CATSPER3: variants seen among roughly 807,000 people sequenced by gnomAD.
CATSPER3 encodes the protein cation channel sperm-associated protein 3.
In CATSPER3, 23 loss-of-function variants were observed where a neutral mutation model predicts 36.6. The observed-to-expected ratio is 0.63, with a 90% confidence interval of 0.45 to 0.89. CATSPER3 has a LOEUF of 0.89. Ranked by LOEUF, CATSPER3 falls within the 40% of genes least tolerant of loss-of-function variation. CATSPER3 has a pLI of 0.00. For synonymous variants in CATSPER3, 172 were observed against 184.1 expected, an observed-to-expected ratio of 0.93 and a Z score of 0.53; for missense variants, 474 against 503.9, an observed-to-expected ratio of 0.94 and a Z score of 0.57.
At chr5:134,975,280 C>A (rs565114893) in intron 2 of CATSPER3, 1 of 151,912 alleles carries the variant, frequency 6.6e-6, no homozygotes, top group Non-Finnish European at 1.5e-5. Flanking sequence ...CTCTGGCTAA[C>A]CTTGAGGCTC....
chr5:134,971,786 A>C (rs1166311827), intron 2 of CATSPER3, among the ~76,000 whole-genome samples: 1 of 152,186 alleles, frequency 6.6e-6, no homozygotes, highest in Non-Finnish European at 1.5e-5. Context: ...AATGGAATAA[A>C]AATTGAGCAG....
At chr5:134,974,614 G>T (rs752857349) in intron 2 of CATSPER3, among the ~76,000 whole-genome samples, 20 of 151,970 alleles carry the variant, frequency 1.3e-4, no homozygotes, top group Admixed American at 1.3e-4. Context: ...GCAATAAAAA[G>T]GTTAAAAATA....
chr5:134,983,083 C>G (rs953989445), intron 2 of CATSPER3, among the ~76,000 whole-genome samples: 4 of 151,648 alleles, frequency 2.6e-5, no homozygotes, highest in Non-Finnish European at 5.9e-5. Flanking sequence ...AGAAAGGAAT[C>G]AAAATGGCAC....
intron 2 of CATSPER3, among the ~76,000 whole-genome samples, chr5:134,980,285 C>G (rs1751734465): frequency 6.7e-6 from 1 of 149,912 alleles, no homozygotes; most frequent in Non-Finnish European, 1.5e-5. Context: ...CCTAGCCTAT[C>G]TTCTTCCTTT....
intron 2 of CATSPER3, chr5:134,975,010 A>G (rs1751651038): frequency 2.6e-5 from 4 of 152,126 alleles, no homozygotes; most frequent in Non-Finnish European, 4.4e-5. Context: ...CTTTGGAGTT[A>G]TACAGATTTG....
chr5:135,008,208 G>A, intron 4 of CATSPER3, 69 bp downstream of exon 4: 1 of 1,310,518 alleles, frequency 7.6e-7, no homozygotes, highest in Non-Finnish European at 1.1e-6. Flanking sequence ...GTGCAAGCGT[G>A]TGGACATGTG....
intron 4 of CATSPER3, 53 bp downstream of exon 4, chr5:135,008,192 T>A (rs1752116025): frequency 2.0e-6 from 3 of 1,477,350 alleles, no homozygotes; most frequent in African/African-American, 2.8e-5. Flanking sequence ...AGGGACAGCC[T>A]AGGTGGTGCA....
At chr5:134,996,992 G>A (rs1164945744) in intron 3 of CATSPER3, among the ~76,000 whole-genome samples, 1 of 152,238 alleles carries the variant, frequency 6.6e-6, no homozygotes, top group Non-Finnish European at 1.5e-5. Context: ...GGCTACTCCT[G>A]CTGAGAAGTC....
chr5:135,000,645 T>G (rs1752009287), intron 3 of CATSPER3, among the ~76,000 whole-genome samples: 2 of 152,204 alleles, frequency 1.3e-5, no homozygotes, highest in Non-Finnish European at 2.9e-5. Context: ...TGGTTTAGTC[T>G]TGGGAGGGTG....
chr5:135,009,638 A>G lies in CATSPER3; in HGVS notation c.936+148A>G, dbSNP rs1331451229. The G allele has an allele frequency of 1.1e-3, 27 of 25,368 alleles. 1 individual carries two copies. The highest frequency in any genetic ancestry group is 5.0e-3 in the South Asian group (9 of 1,812). The allele number at this position is 25,368 out of a possible 1,614,324, so 1.6% of individuals were successfully genotyped here. On this transcript the variant is annotated intron_variant, in intron 6 of 7. Transcript: ENST00000282611. ...TAGGTAAGACAGCTGCCTTCCTCCA[A>G]TGTTTTATAGAATCAGCCTTTATTC... is the stretch of plus-strand genomic sequence containing the variant.
At position 135,008,854 on chromosome 5, in the gene CATSPER3, C is replaced by G. The variant is rs1405815147; in HGVS notation, c.689C>G (p.Thr230Arg). 1 of 1,614,100 alleles carries G rather than the reference C, an allele frequency of 6.2e-7. No individual in the cohort carries two copies. Among genetic ancestry groups the G allele is most frequent in the Admixed American group, 1.7e-5 (1 of 60,018 alleles). ...CTGCCTGAGCAGGTTGATGGCTGGA[C>G]AGACCTGCAGAAGCAGTTGGACAAT... is the stretch of plus-strand genomic sequence containing the variant. Reference protein sequence around the residue: ...LFSLATVDGWTDLQKQLDNRE... With the variant: ...LFSLATVDGWRDLQKQLDNRE... Residue 230 changes from threonine (T) to arginine (R), a missense_variant, in exon 5 of 8, where the codon ACA (threonine) becomes AGA (arginine). Physicochemically the swap from Thr to Arg is moderately conservative, Grantham distance 71 (BLOSUM62 -1). Coordinates refer to ENST00000282611, the MANE Select transcript of CATSPER3 (RefSeq NM_178019.3).
rs780143331 is a variant in CATSPER3, at chr5:135,011,647, C to T, written c.*24C>T. 16 of 1,529,704 alleles carry T rather than the reference C, an allele frequency of 1.0e-5. No homozygotes were observed. Among genetic ancestry groups the T allele is most frequent in the South Asian group, 3.4e-5 (3 of 88,438 alleles). 94.8% of individuals were successfully genotyped at this position (1,529,704 alleles called of 1,614,324 possible). The stretch of plus-strand genomic sequence containing the variant: ...AGCTGGGCATGGGGCACCCATGTGC[C>T]GAGAGCCTTGCAGACCATGACAGGT... On this transcript the variant is annotated 3_prime_UTR_variant, in exon 8 of 8. Transcript: ENST00000282611.
intron 2 of CATSPER3, among the ~76,000 whole-genome samples, chr5:134,993,536 C>T (rs1470184997): frequency 6.6e-6 from 1 of 152,048 alleles, no homozygotes; most frequent in Non-Finnish European, 1.5e-5. Context: ...AAAGAACTTT[C>T]TTCATGAGAC....
In CATSPER3 at chr5:134,967,968, G is replaced by T; in HGVS notation, c.-24G>T. ...TTTTCTGTTGGATGCTAAAAGCAAG[G>T]AATAAAAGTTGAAAATTTGGAAAAT... On this transcript the variant is annotated 5_prime_UTR_variant, in exon 1 of 8. Transcript: ENST00000282611. 6.4e-7 allele frequency: 1 copy of T among 1,566,946 alleles called. No homozygotes were observed. Among genetic ancestry groups the T allele is most frequent in the Non-Finnish European group, 8.8e-7 (1 of 1,137,172 alleles).
At chr5:134,982,723 G>C (rs1751764652) in intron 2 of CATSPER3, among the ~76,000 whole-genome samples, 1 of 152,116 alleles carries the variant, frequency 6.6e-6, no homozygotes, top group African/African-American at 2.4e-5. Context: ...AAATGAACAA[G>C]ACAGTAACTT....
At chr5:134,970,122 CT>C (rs753741807) in intron 2 of CATSPER3, 30 bp downstream of exon 2, 3 of 1,596,722 alleles carry the variant, frequency 1.9e-6, no homozygotes, top group South Asian at 1.1e-5. Flanking sequence ...CCATTTTCTT[CT>C]TTTTTTAAAA....
intron 2 of CATSPER3, among the ~76,000 whole-genome samples, chr5:134,992,907 AC>A (rs1751895755): frequency 6.6e-6 from 1 of 152,194 alleles, no homozygotes; most frequent in Non-Finnish European, 1.5e-5. Flanking sequence ...CTGGGTATAT[AC>A]CCAAAAGATT....
intron 2 of CATSPER3, among the ~76,000 whole-genome samples, chr5:134,980,618 A>G (rs1561458688): frequency 6.6e-6 from 1 of 151,570 alleles, no homozygotes; most frequent in Admixed American, 6.6e-5. Flanking sequence ...TTTAGTAGAC[A>G]TGGGGTTTCA....
intron 3 of CATSPER3, among the ~76,000 whole-genome samples, chr5:135,004,805 G>A (rs1283301080): frequency 2.0e-5 from 3 of 152,188 alleles, no homozygotes; most frequent in Non-Finnish European, 4.4e-5. Flanking sequence ...CTGCCCAAAA[G>A]CAGGGTCTGT....
Sources: gnomAD v4.1 joint callset for allele counts (sites outside exome capture counted in the v4.1 genomes callset) on GRCh38, gnomAD v4.1.1 for gene constraint, MANE v1.5 for transcripts, NCBI Gene and HGNC (gene_info 2026-07-23, HGNC 2026-07-21) for gene names.